OSBPL5: variants seen among roughly 807,000 people sequenced by gnomAD.
The protein encoded by OSBPL5 is oxysterol binding protein like 5.
In OSBPL5, 71 loss-of-function variants were observed where a neutral mutation model predicts 111.2. That is an observed-to-expected ratio of 0.64 (90% CI 0.53 to 0.78). The LOEUF (loss-of-function observed/expected upper bound fraction) is 0.78. Among genes scored for constraint, OSBPL5 ranks in the 30% least tolerant of loss-of-function variants. OSBPL5 has a pLI of 0.00. For synonymous variants in OSBPL5, 549 were observed against 513.9 expected (o/e 1.07, Z -0.93); for missense variants, 1,210 against 1,189.3 (o/e 1.02, Z -0.26).
At chr11:3,144,705 C>G (rs1253949543) in intron 1 of OSBPL5, among the ~76,000 whole-genome samples, 5 of 152,250 alleles carry the variant, frequency 3.3e-5, no homozygotes, top group Admixed American at 1.3e-4. Context: ...AAAACATGTC[C>G]CCCTTACAAA....
At chr11:3,111,510 G>C (rs750642379) in intron 7 of OSBPL5, among the ~76,000 whole-genome samples, 13 of 152,166 alleles carry the variant, frequency 8.5e-5, no homozygotes, top group East Asian at 1.9e-4. Flanking sequence ...CAGTGATCAC[G>C]TAAGTTGTGC....
At position 3,140,175 on chromosome 11, in the gene OSBPL5, A is replaced by G. The variant is rs1002599291; in HGVS notation, c.-21-11006T>C. On this transcript the variant is annotated intron_variant, in intron 1 of 21. Coordinates refer to ENST00000263650, the MANE Select transcript of OSBPL5 (RefSeq NM_020896.4). This position sits in a 1 kb window ranked among gnomAD's most constrained non-coding sequence, Gnocchi z 4.5. ...AGCCACCATCTCGGGCTGTATTAAC[A>G]GAGGTTGAGTCCTCAGAAGGAGGGA... Among the ~76,000 whole-genome samples, 3 of 152,222 alleles carry G rather than the reference A, an allele frequency of 2.0e-5. No individual in the cohort carries two copies. The highest frequency in any genetic ancestry group is 4.4e-5 in the Non-Finnish European group (3 of 68,036).
rs575695996 is a variant in OSBPL5 at position 3,162,585 on chromosome 11, G to C, written c.-22+2631C>G. Among the ~76,000 whole-genome samples, 5 of 151,952 alleles carry C rather than the reference G, an allele frequency of 3.3e-5. No individual in the cohort carries two copies. Among genetic ancestry groups the C allele is most frequent in the East Asian group, 3.9e-4 (2 of 5,148 alleles). On this transcript the variant is annotated intron_variant, in intron 1 of 21. Coordinates refer to ENST00000263650, the MANE Select transcript of OSBPL5 (RefSeq NM_020896.4). This position sits in a 1 kb window ranked among gnomAD's most constrained non-coding sequence, Gnocchi z 8.1. Reference sequence around the variant, plus strand: ...TCCTTAGTCCAAGTCCTTTGTACTCGACCGCCAACCCTACCACTCTCCGGA... The same window carrying C: ...TCCTTAGTCCAAGTCCTTTGTACTCCACCGCCAACCCTACCACTCTCCGGA...
At position 3,087,200 on chromosome 11, in the gene OSBPL5, G is replaced by T; in HGVS notation, c.*1005C>A. 1 of 152,908 alleles carries T rather than the reference G, an allele frequency of 6.5e-6. No homozygotes were observed. The allele number at this position is 152,908 out of a possible 1,614,324, so 9.5% of individuals were successfully genotyped here. A position where few individuals can be genotyped will look rare whatever the true frequency, so the allele number is the denominator to read the frequency against. Reference sequence around the variant, plus strand: ...GGGGGAGGAGGGGAGACAAGGACACGGGTACAAAAACTGGAAACAAAGCCA... The same window carrying T: ...GGGGGAGGAGGGGAGACAAGGACACTGGTACAAAAACTGGAAACAAAGCCA... On this transcript the variant is annotated 3_prime_UTR_variant, in exon 22 of 22. Coordinates refer to ENST00000263650, the MANE Select transcript of OSBPL5 (RefSeq NM_020896.4).
chr11:3,148,587 G>A (rs979091987), intron 1 of OSBPL5, among the ~76,000 whole-genome samples: 1 of 152,240 alleles, frequency 6.6e-6, no homozygotes, highest in Non-Finnish European at 1.5e-5. Flanking sequence ...CAGGGCGGGG[G>A]CACCGTCCTC....
chr11:3,094,382 G>A (rs1222154730), intron 14 of OSBPL5, 48 bp from the exon 15 acceptor site: 1 of 1,516,712 alleles, frequency 6.6e-7, no homozygotes, highest in Admixed American at 1.7e-5. Flanking sequence ...GCCCTGCTGA[G>A]CCCCAGGCCC....
At position 3,106,397 on chromosome 11, in the gene OSBPL5, G is replaced by A. The variant is rs1000389909; in HGVS notation, c.1059+866C>T. Among the ~76,000 whole-genome samples the A allele has an allele frequency of 2.7e-4, 40 of 150,216 alleles. No homozygotes were observed. The highest frequency in any genetic ancestry group is 9.7e-4 in the African/African-American group (39 of 40,146). The stretch of plus-strand genomic sequence containing the variant: ...ATCACAGAGCCCCCCGTTCCTGACA[G>A]CCCCCACCCCAGAGCGCAGCCCCCA... On this transcript the variant is annotated intron_variant, in intron 9 of 21. Coordinates refer to ENST00000263650, the MANE Select transcript of OSBPL5 (RefSeq NM_020896.4). This position sits in a 1 kb window ranked among gnomAD's most constrained non-coding sequence, Gnocchi z 8.4.
intron 1 of OSBPL5, among the ~76,000 whole-genome samples, chr11:3,149,475 C>A (rs1846490958): frequency 6.6e-6 from 1 of 152,236 alleles, no homozygotes; most frequent in Admixed American, 6.5e-5. Context: ...ATCAACATGA[C>A]CAGAGTGCTT....
chr11:3,097,764 G>A (rs535944670), intron 14 of OSBPL5, among the ~76,000 whole-genome samples: 3 of 152,220 alleles, frequency 2.0e-5, no homozygotes, highest in South Asian at 2.1e-4. Context: ...AACAATGCAC[G>A]AGTATAAAAA....
At chr11:3,148,255 C>G (rs891401662) in intron 1 of OSBPL5, among the ~76,000 whole-genome samples, 1 of 152,228 alleles carries the variant, frequency 6.6e-6, no homozygotes, top group African/African-American at 2.4e-5. Flanking sequence ...CTACATACTC[C>G]CCAAGGTCAT....
chr11:3,115,315 G>T (rs142232780), intron 7 of OSBPL5, among the ~76,000 whole-genome samples: 4 of 152,180 alleles, frequency 2.6e-5, no homozygotes, highest in African/African-American at 9.6e-5. Flanking sequence ...TTAAATCAAG[G>T]TTATTCCGTC....
Position 3,107,541 on chromosome 11 carries a change from C to T in OSBPL5, c.867-86G>A. ...GGGCTGCCCACCCCTCGCTGCTCCG[C>T]ACTTCACATACGTTCCTGCCTGTCG... On this transcript the variant is annotated intron_variant, in intron 8 of 21. Transcript: ENST00000263650. This position sits in a 1 kb window ranked among gnomAD's most constrained non-coding sequence, Gnocchi z 6.1. The T allele has an allele frequency of 6.7e-7, 1 of 1,485,358 alleles. No homozygotes were observed. Among genetic ancestry groups the T allele is most frequent in the Non-Finnish European group, 9.3e-7 (1 of 1,078,700 alleles). The allele number at this position is 1,485,358 out of a possible 1,614,324, so 92.0% of individuals were successfully genotyped here. A position where few individuals can be genotyped will look rare whatever the true frequency, so the allele number is the denominator to read the frequency against.
In OSBPL5 at chr11:3,093,792, T is replaced by C. The variant is rs370968162; in HGVS notation, c.1763A>G (p.Lys588Arg). The C allele has an allele frequency of 4.0e-5, 65 of 1,613,032 alleles. No individual in the cohort carries two copies. The East Asian group carries it at 1.0e-3, about 25-fold the overall frequency. Residue 588 changes from lysine to arginine, a missense_variant, in exon 16 of 22, where the codon AAG becomes AGG. Transcript: ENST00000263650. ...GSTSINQISG[K>R]ITSGEEVLAS... ...CAGGACTTCCTCTCCCGACGTGATC[T>C]TTCCCGAGATCTGGTTGATGCTGGT...
intron 1 of OSBPL5, among the ~76,000 whole-genome samples, chr11:3,148,166 G>A (rs1326613456): frequency 2.0e-5 from 3 of 152,312 alleles, no homozygotes; most frequent in East Asian, 1.9e-4. Context: ...CAGTACAGCC[G>A]GGACTCCCCG....
At chr11:3,152,677 C>T (rs767304879) in intron 1 of OSBPL5, among the ~76,000 whole-genome samples, 1 of 152,202 alleles carries the variant, frequency 6.6e-6, no homozygotes, top group Non-Finnish European at 1.5e-5. Context: ...GGCACCTAAG[C>T]GTGAACAGAG....
intron 5 of OSBPL5, 42 bp from the exon 6 acceptor site, chr11:3,120,666 C>G: frequency 6.3e-7 from 1 of 1,598,538 alleles, no homozygotes; most frequent in Non-Finnish European, 8.5e-7. Flanking sequence ...CCTCTGGGGC[C>G]GCCATCCCTG....
At position 3,088,073 on chromosome 11, in the gene OSBPL5, C is replaced by A. The variant is rs1249454681; in HGVS notation, c.*132G>T. On this transcript the variant is annotated 3_prime_UTR_variant, in exon 22 of 22. Transcript: ENST00000263650. Reference sequence around the variant, plus strand: ...CGCAGCGCCTTGTGGCCCCGGGTCCCTCCTGCGCCTGGACTCCCCGTCACA... The same window carrying A: ...CGCAGCGCCTTGTGGCCCCGGGTCCATCCTGCGCCTGGACTCCCCGTCACA... 4 of 901,758 alleles carry A rather than the reference C, an allele frequency of 4.4e-6. No homozygotes were observed. The highest frequency in any genetic ancestry group is 3.5e-5 in the Admixed American group (1 of 28,408). 55.9% of individuals were successfully genotyped at this position (901,758 alleles called of 1,614,324 possible).
rs1378151200 is a variant in OSBPL5 at position 3,146,915 on chromosome 11, C to T, written c.-21-17746G>A. Reference sequence around the variant, plus strand: ...CCAGCACACCCAGCTCTGGTCTTCACGAGGGGCTGGGATTTTAGAGGTGGC... The same window carrying T: ...CCAGCACACCCAGCTCTGGTCTTCATGAGGGGCTGGGATTTTAGAGGTGGC... On this transcript the variant is annotated intron_variant, in intron 1 of 21. Coordinates refer to ENST00000263650, the MANE Select transcript of OSBPL5 (RefSeq NM_020896.4). This position sits in a 1 kb window ranked among gnomAD's most constrained non-coding sequence, Gnocchi z 7.8. Among the ~76,000 whole-genome samples the T allele has an allele frequency of 6.6e-6, 1 of 152,120 alleles. No individual in the cohort carries two copies. The highest frequency in any genetic ancestry group is 1.5e-5 in the Non-Finnish European group (1 of 68,016).
chr11:3,159,461 G>A (rs1217199802), intron 1 of OSBPL5, among the ~76,000 whole-genome samples: 7 of 152,172 alleles, frequency 4.6e-5, no homozygotes, highest in Admixed American at 3.3e-4. Context: ...AACTGGATCC[G>A]CTGCACTCAG....
Sources: gnomAD v4.1 joint callset for allele counts (sites outside exome capture counted in the v4.1 genomes callset) on GRCh38, gnomAD v4.1.1 for gene constraint, Gnocchi (gnomAD v3.1) non-coding constraint, MANE v1.5 for transcripts, NCBI Gene and HGNC (gene_info 2026-07-23, HGNC 2026-07-21) for gene names.